RALYL: variants seen among roughly 807,000 people sequenced by gnomAD.
RALYL encodes the protein RALY RNA binding protein like, also known as RNA-binding Raly-like protein.
Under a neutral mutation model 35.1 loss-of-function variants are expected in RALYL, and 29 were observed. That is an observed-to-expected ratio of 0.83 (90% CI 0.61 to 1.13). The LOEUF (loss-of-function observed/expected upper bound fraction) is 1.13. RALYL is among the 50% of genes most tolerant of loss of function. The pLI is 0.00. For missense variants in RALYL, 359 were observed against 360.4 expected, an observed-to-expected ratio of 1.00 and a Z score of 0.03; for synonymous variants, 120 against 127.6, an observed-to-expected ratio of 0.94 and a Z score of 0.40.
intron 3 of RALYL, 121 bp downstream of exon 3, chr8:84,774,775 C>A (rs1816432033): frequency 4.5e-6 from 3 of 673,502 alleles, no homozygotes; most frequent in Non-Finnish European, 7.7e-6. Flanking sequence ...GAATAAAGTA[C>A]AACAAATGTT....
At chr8:84,423,114 C>T (rs889149150) in intron 1 of RALYL, among the ~76,000 whole-genome samples, 13 of 150,408 alleles carry the variant, frequency 8.6e-5, no homozygotes, top group African/African-American at 3.2e-4. Context: ...TGTTGACTTT[C>T]TGTCTCGTTG....
intron 2 of RALYL, among the ~76,000 whole-genome samples, chr8:84,610,473 G>T (rs1466567029): frequency 6.6e-6 from 1 of 152,080 alleles, no homozygotes; most frequent in African/African-American, 2.4e-5. Context: ...ATGTATAACT[G>T]TTGATTTATA....
chr8:84,800,090 C>G (rs1822895896), intron 3 of RALYL, among the ~76,000 whole-genome samples: 1 of 152,122 alleles, frequency 6.6e-6, no homozygotes. Context: ...TAGAATGATG[C>G]CAGAGATGTA....
intron 8 of RALYL, among the ~76,000 whole-genome samples, chr8:84,895,949 C>T (rs922466928): frequency 6.6e-6 from 1 of 152,182 alleles, no homozygotes; most frequent in African/African-American, 2.4e-5. Flanking sequence ...TTTATATCAG[C>T]CTCTGCATAG....
At chr8:84,394,839 G>A (rs1226136967) in intron 1 of RALYL, among the ~76,000 whole-genome samples, 1 of 151,812 alleles carries the variant, frequency 6.6e-6, no homozygotes, top group Non-Finnish European at 1.5e-5. Context: ...ATTCTTACAA[G>A]CTCACATAAA....
At chr8:84,442,648 C>T (rs1241211038) in intron 1 of RALYL, among the ~76,000 whole-genome samples, 4 of 152,098 alleles carry the variant, frequency 2.6e-5, no homozygotes, top group African/African-American at 4.8e-5. Flanking sequence ...AATGCTTCTT[C>T]CCTCACAGGA....
chr8:84,351,281 C>T (rs1248451373), intron 1 of RALYL, among the ~76,000 whole-genome samples: 1 of 149,992 alleles, frequency 6.7e-6, no homozygotes, highest in African/African-American at 2.5e-5. Context: ...TCATATATTA[C>T]TTTTCTGAAA....
chr8:84,895,159 A>T (rs1844518403), intron 8 of RALYL, among the ~76,000 whole-genome samples: 1 of 152,160 alleles, frequency 6.6e-6, no homozygotes, highest in Non-Finnish European at 1.5e-5. Context: ...CAGCATTCAA[A>T]GACCTTCGTC....
At chr8:84,192,430 T>C (rs1814124910) in intron 1 of RALYL, among the ~76,000 whole-genome samples, 1 of 152,238 alleles carries the variant, frequency 6.6e-6, no homozygotes, top group Non-Finnish European at 1.5e-5. Flanking sequence ...AAATGTGGTC[T>C]ATAAAAAGTC....
At chr8:84,354,101 G>A (rs891596878) in intron 1 of RALYL, among the ~76,000 whole-genome samples, 6 of 148,610 alleles carry the variant, frequency 4.0e-5, no homozygotes, top group Non-Finnish European at 7.4e-5. Flanking sequence ...AAAAGAAAGT[G>A]TATTGTGGCT....
At chr8:84,537,811 T>A (rs193159217) in intron 2 of RALYL, among the ~76,000 whole-genome samples, 2 of 152,328 alleles carry the variant, frequency 1.3e-5, no homozygotes, top group African/African-American at 4.8e-5. Flanking sequence ...AATTCTATAA[T>A]GTACTTAAAG....
intron 2 of RALYL, among the ~76,000 whole-genome samples, chr8:84,722,364 A>G (rs904145857): frequency 5.3e-5 from 8 of 151,932 alleles, no homozygotes; most frequent in Non-Finnish European, 8.8e-5. Flanking sequence ...TGATAAATTC[A>G]TATCAACCTT....
intron 2 of RALYL, among the ~76,000 whole-genome samples, chr8:84,554,689 T>C (rs2060971761): frequency 6.6e-6 from 1 of 152,170 alleles, no homozygotes; most frequent in African/African-American, 2.4e-5. Flanking sequence ...CCTATTTCCA[T>C]ATCACAAACC....
intron 2 of RALYL, among the ~76,000 whole-genome samples, chr8:84,537,687 C>T (rs987159917): frequency 3.3e-5 from 5 of 152,046 alleles, no homozygotes; most frequent in Admixed American, 2.6e-4. Flanking sequence ...CCTCATCAAC[C>T]TTCTCAAAGA....
chr8:84,635,842 G>A (rs911314213), intron 2 of RALYL, among the ~76,000 whole-genome samples: 1 of 151,680 alleles, frequency 6.6e-6, no homozygotes, highest in South Asian at 2.1e-4. Flanking sequence ...AGGAAACTGA[G>A]CTCAGCTTTC....
chr8:84,326,132 G>A (rs1845752067), intron 1 of RALYL, among the ~76,000 whole-genome samples: 1 of 152,062 alleles, frequency 6.6e-6, no homozygotes, highest in Non-Finnish European at 1.5e-5. Context: ...AAAACAATAA[G>A]TAGTAAGCAC....
At chr8:84,558,110 C>A (rs2061253328) in intron 2 of RALYL, among the ~76,000 whole-genome samples, 1 of 152,026 alleles carries the variant, frequency 6.6e-6, no homozygotes, top group Non-Finnish European at 1.5e-5. Context: ...AGAAGCTATA[C>A]TTAGTTTCAC....
intron 2 of RALYL, among the ~76,000 whole-genome samples, chr8:84,566,616 A>G (rs1217808962): frequency 6.6e-6 from 1 of 151,604 alleles, no homozygotes; most frequent in Non-Finnish European, 1.5e-5. Context: ...AGAACTCATA[A>G]CCGTGATTTT....
intron 1 of RALYL, among the ~76,000 whole-genome samples, chr8:84,462,617 G>C (rs1252174916): frequency 1.6e-5 from 1 of 64,478 alleles, no homozygotes; most frequent in Non-Finnish European, 3.2e-5. Context: ...TTTTTTTTTT[G>C]CATGTGGATA....
Sources: allele counts gnomAD v4.1 joint callset (sites outside exome capture counted in the v4.1 genomes callset), GRCh38; gene constraint gnomAD v4.1.1; transcripts MANE v1.5; gene names NCBI Gene and HGNC (gene_info 2026-07-23, HGNC 2026-07-21).